APPL1: variants seen among roughly 807,000 people sequenced by gnomAD.
APPL1 encodes adaptor protein, phosphotyrosine interacting with PH domain and leucine zipper 1, also known as DCC-interacting protein 13-alpha.
APPL1 carries 42 observed loss-of-function variants against 106.8 expected under a neutral mutation model. That is an observed-to-expected ratio of 0.39 (90% CI 0.31 to 0.51). The LOEUF (loss-of-function observed/expected upper bound fraction) is 0.51. Among genes scored for constraint, APPL1 ranks in the 20% least tolerant of loss-of-function variants. The pLI is 0.75. For missense variants in APPL1, 769 were observed against 858.2 expected, an observed-to-expected ratio of 0.90 and a Z score of 1.30; for synonymous variants, 263 against 281.8, an observed-to-expected ratio of 0.93 and a Z score of 0.67.
intron 15 of APPL1, among the ~76,000 whole-genome samples, chr3:57,257,736 A>G (rs2060845095): frequency 6.6e-6 from 1 of 152,206 alleles, no homozygotes; most frequent in South Asian, 2.1e-4. Context: ...AGGTCATGAC[A>G]ATTTTTAAAA....
intron 11 of APPL1, among the ~76,000 whole-genome samples, chr3:57,251,958 T>A (rs143733150): frequency 5.6e-4 from 85 of 152,268 alleles, no homozygotes; most frequent in Admixed American, 2.6e-3. Context: ...ATATGAAATA[T>A]ATATGATAAG....
At chr3:57,262,063 C>G (rs2060869209) in intron 19 of APPL1, among the ~76,000 whole-genome samples, 1 of 151,974 alleles carries the variant, frequency 6.6e-6, no homozygotes, top group Non-Finnish European at 1.5e-5. Context: ...TTTTTGTGTC[C>G]TTTAAGAAAT....
At chr3:57,239,378 T>G (rs1391222818) in intron 4 of APPL1, among the ~76,000 whole-genome samples, 1 of 152,224 alleles carries the variant, frequency 6.6e-6, no homozygotes, top group African/African-American at 2.4e-5. Flanking sequence ...ATAAATGGAC[T>G]CATAATTTTA....
In APPL1 at chr3:57,240,731, G is replaced by A. The variant is rs1006642549; in HGVS notation, c.373+179G>A. 1.2e-4 allele frequency among the ~76,000 whole-genome samples: 18 copies of A among 152,296 alleles called. No individual in the cohort carries two copies. The Middle Eastern group carries it at 0.01, about 86-fold the overall frequency. ...GTCAAACTAGATATTGAGAAATACC[G>A]ATATGGATAAGATATCCCCTCTTTT... On this transcript the variant is annotated intron_variant, in intron 5 of 21. Transcript: ENST00000288266.
intron 6 of APPL1, among the ~76,000 whole-genome samples, 186 bp from the exon 7 acceptor site, chr3:57,242,670 A>T (rs1470372213): frequency 6.6e-6 from 1 of 152,184 alleles, no homozygotes; most frequent in African/African-American, 2.4e-5. Context: ...TTAAAAACCA[A>T]TTTGAGAAGT....
At chr3:57,233,458 C>T (rs2060699493) in intron 1 of APPL1, among the ~76,000 whole-genome samples, 1 of 151,122 alleles carries the variant, frequency 6.6e-6, no homozygotes, top group East Asian at 1.9e-4. Context: ...AAATATGTAA[C>T]TCCTTGAATT....
chr3:57,269,520 C>G (rs766656860), intron 21 of APPL1, 21 bp from the exon 22 acceptor site: 1 of 1,609,918 alleles, frequency 6.2e-7, no homozygotes, highest in South Asian at 1.1e-5. Context: ...AACTTAGTTT[C>G]TTTTTTGTCT....
intron 11 of APPL1, among the ~76,000 whole-genome samples, chr3:57,250,912 A>ATTCTCC (rs1262005481): frequency 3.6e-5 from 5 of 138,980 alleles, no homozygotes; most frequent in Admixed American, 8.0e-5. Context: ...GGTTCACGCC[A>ATTCTCC]TTCTCCTGCC....
intron 7 of APPL1, among the ~76,000 whole-genome samples, chr3:57,244,055 C>T (rs1251057464): frequency 1.3e-5 from 2 of 152,042 alleles, no homozygotes; most frequent in Admixed American, 1.3e-4. Context: ...CATGAATTAA[C>T]TCTGTTATTA....
Position 57,268,332 on chromosome 3 carries a change from CTGAAA to C in APPL1, c.1894-63_1894-59del. On this transcript the variant is annotated intron_variant, in intron 20 of 21. Transcript: ENST00000288266. Reference sequence around the variant, plus strand: ...TTGAAAGGTTACCATGTGATATTAACTGAAATGTCTAAAATTTAAAGTTATTTCAT... The same window carrying C: ...TTGAAAGGTTACCATGTGATATTAACTGTCTAAAATTTAAAGTTATTTCAT... 2.8e-6 allele frequency: 4 copies of C among 1,403,902 alleles called. No individual in the cohort carries two copies. The Admixed American group carries it at 8.8e-5, about 31-fold the overall frequency. The allele number at this position is 1,403,902 out of a possible 1,614,324, so 87.0% of individuals were successfully genotyped here. A position where few individuals can be genotyped will look rare whatever the true frequency, so the allele number is the denominator to read the frequency against.
At chr3:57,238,974 A>G (rs2060731262) in intron 4 of APPL1, among the ~76,000 whole-genome samples, 1 of 152,184 alleles carries the variant, frequency 6.6e-6, no homozygotes, top group Admixed American at 6.5e-5. Context: ...TGAGTAATTT[A>G]TAAAGAAAAA....
chr3:57,240,965 T>C (rs146490046), intron 5 of APPL1, among the ~76,000 whole-genome samples: 120 of 152,324 alleles, frequency 7.9e-4, no homozygotes, highest in African/African-American at 2.6e-3. Context: ...GCACAAGATA[T>C]GGCTTTTAGA....
At position 57,271,150 on chromosome 3, in the gene APPL1, TAC is replaced by T. The variant is rs2060935780; in HGVS notation, c.*1465_*1466del. On this transcript the variant is annotated 3_prime_UTR_variant, in exon 22 of 22. Coordinates refer to ENST00000288266, the MANE Select transcript of APPL1 (RefSeq NM_012096.3). ...AAAAAGCCTTTTTTTTTCTTTGATA[TAC>T]AGTTTTTTCTTCTTAGTTCTGCATT... 1 of 152,602 alleles carries T rather than the reference TAC, an allele frequency of 6.6e-6. No individual in the cohort carries two copies. The highest frequency in any genetic ancestry group is 1.5e-5 in the Non-Finnish European group (1 of 67,982). 9.5% of individuals were successfully genotyped at this position (152,602 alleles called of 1,614,324 possible).
At position 57,257,332 on chromosome 3, in the gene APPL1, C is replaced by G. The variant is rs370121993; in HGVS notation, c.1334C>G (p.Ser445Cys). The change falls in exon 15 of 22, where the codon TCT becomes TGT. Residue 445 changes from serine to cysteine, a missense_variant. By Grantham distance (112) the Ser-to-Cys change is moderately radical. Transcript: ENST00000288266. ...AATTTGGCTGCCCTCTCTCTAGATT[C>G]TCTTGTTGCCCCAGACACCCCAATA... ...STNLAALSLDSLVAPDTPIQF... is the reference protein window; with the variant it reads ...STNLAALSLDCLVAPDTPIQF... 1.7e-5 allele frequency: 27 copies of G among 1,614,004 alleles called. 1 individual carries two copies. In the South Asian group the frequency reaches 2.4e-4, roughly 14 times the overall value.
At chr3:57,246,619 C>A (rs2060775109) in intron 8 of APPL1, among the ~76,000 whole-genome samples, 1 of 152,128 alleles carries the variant, frequency 6.6e-6, no homozygotes, top group Admixed American at 6.5e-5. Context: ...AATAGATGAA[C>A]TCCAACGTGC....
chr3:57,236,932 A>G (rs1009644702), intron 2 of APPL1, among the ~76,000 whole-genome samples: 1 of 151,980 alleles, frequency 6.6e-6, no homozygotes, highest in South Asian at 2.1e-4. Context: ...AAGAGTTGCT[A>G]TGTTGTTGTT....
At chr3:57,238,203 T>G (rs1371904405) in intron 4 of APPL1, 87 bp downstream of exon 4, 20 of 964,684 alleles carry the variant, frequency 2.1e-5, no homozygotes, top group Non-Finnish European at 3.1e-5. Flanking sequence ...AATAAAGCTC[T>G]ATTAAAGAGA....
intron 3 of APPL1, 122 bp from the exon 4 acceptor site, chr3:57,237,923 T>C (rs1165623226): frequency 1.9e-5 from 13 of 686,916 alleles, no homozygotes; most frequent in Middle Eastern, 4.0e-4. Flanking sequence ...TTAAATGATA[T>C]TTTAGAGCTT....
At position 57,241,510 on chromosome 3, in the gene APPL1, A is replaced by G. The variant is rs143281120; in HGVS notation, c.374-591A>G. ...CTAATGTATCAGTGAATGGTAAAGTATTTAAATTATACATGGAATACAGAC... is the reference window on the plus strand; with the variant it reads ...CTAATGTATCAGTGAATGGTAAAGTGTTTAAATTATACATGGAATACAGAC... On this transcript the variant is annotated intron_variant, in intron 5 of 21. Coordinates refer to ENST00000288266, the MANE Select transcript of APPL1 (RefSeq NM_012096.3). 7.0e-4 allele frequency among the ~76,000 whole-genome samples: 106 copies of G among 152,348 alleles called. 1 individual carries two copies. The highest frequency in any genetic ancestry group is 8.3e-4 in the South Asian group (4 of 4,830).
Sources: allele counts gnomAD v4.1 joint callset (sites outside exome capture counted in the v4.1 genomes callset), GRCh38; gene constraint gnomAD v4.1.1; transcripts MANE v1.5; gene names NCBI Gene and HGNC (gene_info 2026-07-23, HGNC 2026-07-21).